ABLIM2: variants seen among roughly 807,000 people sequenced by gnomAD.
The protein encoded by ABLIM2 is actin-binding LIM protein 2.
A neutral mutation model predicts 97.7 loss-of-function variants in ABLIM2; 53 were observed. That is an observed-to-expected ratio of 0.54 (90% CI 0.44 to 0.68). The LOEUF is 0.68. Ranked by LOEUF, ABLIM2 falls within the 30% of genes least tolerant of loss-of-function variation. The pLI, the probability that ABLIM2 is intolerant of heterozygous loss-of-function variation, is 0.00. For synonymous variants in ABLIM2, 361 were observed against 345.8 expected (o/e 1.04, Z -0.49); for missense variants, 835 against 867.2 (o/e 0.96, Z 0.47).
At chr4:8,074,920 G>C (rs1223762817) in intron 6 of ABLIM2, among the ~76,000 whole-genome samples, 1 of 151,916 alleles carries the variant, frequency 6.6e-6, no homozygotes, top group Admixed American at 6.6e-5. Flanking sequence ...TGAGTAGCTG[G>C]GATTACAGGC....
Position 8,061,929 on chromosome 4 carries a change from C to T in ABLIM2, c.676-875G>A, listed in dbSNP as rs1397857282. 2.0e-5 allele frequency among the ~76,000 whole-genome samples: 3 copies of T among 152,204 alleles called. No homozygotes were observed. On this transcript the variant is annotated intron_variant, in intron 6 of 20. Transcript: ENST00000447017. The surrounding 1 kb of genome is among the most constrained non-coding windows in gnomAD (Gnocchi z 4.5). Reference sequence around the variant, plus strand: ...TGCCTTCCCTAGGATGAAAACAGCCCCGAGATGGCCCCTGTGTATTGGGAG... The same window carrying T: ...TGCCTTCCCTAGGATGAAAACAGCCTCGAGATGGCCCCTGTGTATTGGGAG...
At chr4:8,118,820 C>T (rs766965941) in intron 1 of ABLIM2, among the ~76,000 whole-genome samples, 6 of 152,224 alleles carry the variant, frequency 3.9e-5, no homozygotes, top group African/African-American at 9.6e-5. Context: ...CCCTCTGTAC[C>T]GACAGCGTAT....
At chr4:8,014,375 C>T (rs1767258995) in intron 14 of ABLIM2, among the ~76,000 whole-genome samples, 1 of 152,236 alleles carries the variant, frequency 6.6e-6, no homozygotes, top group African/African-American at 2.4e-5. Flanking sequence ...GGAGTTGACC[C>T]ATCAACAGGA....
At chr4:8,099,784 G>A (rs1187657874) in intron 2 of ABLIM2, among the ~76,000 whole-genome samples, 1 of 152,172 alleles carries the variant, frequency 6.6e-6, no homozygotes, top group Non-Finnish European at 1.5e-5. Context: ...GGCGGAGCTT[G>A]CAGTGATCCG....
In ABLIM2 at chr4:8,077,319, G is replaced by A. The variant is rs73796842; in HGVS notation, c.675+309C>T. On this transcript the variant is annotated intron_variant, in intron 6 of 20. Coordinates refer to ENST00000447017, the MANE Select transcript of ABLIM2 (RefSeq NM_001130083.2). ...TGGTGTGGGCTCTCTTCCATCTTCC[G>A]TGCCTCTGAGTCCCAATCTAGACAG... Among the ~76,000 whole-genome samples, 1,157 of 152,204 alleles carry A rather than the reference G, an allele frequency of 7.6e-3. 14 individuals are homozygous for A. Among genetic ancestry groups the A allele is most frequent in the African/African-American group, 0.026 (1,095 of 41,528 alleles).
rs1303472402 is a variant in ABLIM2, at chr4:8,087,351, C to A, written c.454+818G>T. On this transcript the variant is annotated intron_variant, in intron 4 of 20. Transcript: ENST00000447017. The surrounding 1 kb of genome is among the most constrained non-coding windows in gnomAD (Gnocchi z 4.6). ...TCCTTGCTGATACTTGGCCCCACAC[C>A]TGCAAACCCCTGACACTTCGGCTGG... 6.6e-6 allele frequency among the ~76,000 whole-genome samples: 1 copy of A among 152,202 alleles called. No homozygotes were observed. Among genetic ancestry groups the A allele is most frequent in the Non-Finnish European group, 1.5e-5 (1 of 68,046 alleles).
At chr4:8,070,272 G>A (rs1369561713) in intron 6 of ABLIM2, among the ~76,000 whole-genome samples, 1 of 150,938 alleles carries the variant, frequency 6.6e-6, no homozygotes, top group Non-Finnish European at 1.5e-5. Context: ...TCTGTGGGTT[G>A]TGCATGTGTG....
intron 20 of ABLIM2, among the ~76,000 whole-genome samples, chr4:7,978,316 G>A (rs903835529): frequency 6.6e-6 from 1 of 152,130 alleles, no homozygotes; most frequent in African/African-American, 2.4e-5. Flanking sequence ...GGAGGACTAG[G>A]GTCGCACCCT....
intron 8 of ABLIM2, among the ~76,000 whole-genome samples, chr4:8,052,611 G>A (rs1796752974): frequency 6.6e-6 from 1 of 152,244 alleles, no homozygotes; most frequent in East Asian, 1.9e-4. Context: ...AGGGACACAG[G>A]TGGGAAGCCA....
chr4:8,013,219 C>CTTT (rs60424207), intron 14 of ABLIM2, among the ~76,000 whole-genome samples: 162 of 110,598 alleles, frequency 1.5e-3, no homozygotes, highest in Middle Eastern at 6.2e-3. Context: ...AACATTTTTC[C>CTTT]TTTTTTTTTT....
Position 8,069,414 on chromosome 4 carries a change from A to G in ABLIM2, c.675+8214T>C, listed in dbSNP as rs945576771. On this transcript the variant is annotated intron_variant, in intron 6 of 20. Transcript: ENST00000447017. The surrounding 1 kb of genome is among the most constrained non-coding windows in gnomAD (Gnocchi z 4.2). Reference sequence around the variant, plus strand: ...CCAGGCTCGGAGGGTCCCACCACGAAGACAGTGATGAGCACATTGCCCGGG... The same window carrying G: ...CCAGGCTCGGAGGGTCCCACCACGAGGACAGTGATGAGCACATTGCCCGGG... 6.6e-6 allele frequency among the ~76,000 whole-genome samples: 1 copy of G among 152,252 alleles called. No individual in the cohort carries two copies. Among genetic ancestry groups the G allele is most frequent in the African/African-American group, 2.4e-5 (1 of 41,468 alleles).
intron 1 of ABLIM2, among the ~76,000 whole-genome samples, chr4:8,154,192 G>A (rs1561649162): frequency 6.6e-6 from 1 of 151,224 alleles, no homozygotes; most frequent in Non-Finnish European, 1.5e-5. Context: ...TCCATCTCCT[G>A]ACCTTGTGAT....
At chr4:8,094,804 C>G (rs1346331315) in intron 3 of ABLIM2, among the ~76,000 whole-genome samples, 1 of 152,182 alleles carries the variant, frequency 6.6e-6, no homozygotes, top group Non-Finnish European at 1.5e-5. Flanking sequence ...GTCACATTTT[C>G]TAGTTTCCTT....
chr4:8,053,961 T>C (rs949631772), intron 8 of ABLIM2, among the ~76,000 whole-genome samples: 1 of 152,182 alleles, frequency 6.6e-6, no homozygotes, highest in Non-Finnish European at 1.5e-5. Context: ...TTGCCTGTGG[T>C]ATTCTGTGAT....
intron 3 of ABLIM2, among the ~76,000 whole-genome samples, chr4:8,094,445 T>C (rs892096964): frequency 6.6e-6 from 1 of 152,144 alleles, no homozygotes; most frequent in East Asian, 1.9e-4. Flanking sequence ...TTTTAAGGGC[T>C]CACAACTCTA....
In ABLIM2 at chr4:8,122,937, G is replaced by A. The variant is rs1036401380; in HGVS notation, c.11-16300C>T. Among the ~76,000 whole-genome samples, 1 of 152,112 alleles carries A rather than the reference G, an allele frequency of 6.6e-6. No individual in the cohort carries two copies. Among genetic ancestry groups the A allele is most frequent in the Non-Finnish European group, 1.5e-5 (1 of 68,012 alleles). On this transcript the variant is annotated intron_variant, in intron 1 of 20. Transcript: ENST00000447017. The surrounding 1 kb of genome is among the most constrained non-coding windows in gnomAD (Gnocchi z 4.1). The stretch of plus-strand genomic sequence containing the variant: ...GGTGAGGGGCGAACCAGCCCTAGGG[G>A]TGGCAAATCTGTCTGGGACCTGACC...
Position 8,150,316 on chromosome 4 carries a change from C to T in ABLIM2, c.10+8364G>A, listed in dbSNP as rs1272204052. 6.6e-6 allele frequency among the ~76,000 whole-genome samples: 1 copy of T among 152,200 alleles called. No homozygotes were observed. Among genetic ancestry groups the T allele is most frequent in the African/African-American group, 2.4e-5 (1 of 41,456 alleles). On this transcript the variant is annotated intron_variant, in intron 1 of 20. Transcript: ENST00000447017. The surrounding 1 kb of genome is among the most constrained non-coding windows in gnomAD (Gnocchi z 6.3). ...ACGGCAGACAGATGAGGAGGCCATG[C>T]TGAACTGGGGACGGAGTTCCACCCA...
chr4:8,105,475 G>A (rs1836860248), intron 2 of ABLIM2, among the ~76,000 whole-genome samples: 1 of 152,228 alleles, frequency 6.6e-6, no homozygotes, highest in Admixed American at 6.5e-5. Flanking sequence ...AATGCAGCCC[G>A]CAGCCATTGG....
chr4:8,081,916 C>T (rs1820084530), intron 4 of ABLIM2, among the ~76,000 whole-genome samples: 3 of 152,142 alleles, frequency 2.0e-5, no homozygotes. Context: ...CCTGTCATAG[C>T]TGAATGTGCG....
Sources: allele counts gnomAD v4.1 joint callset (sites outside exome capture counted in the v4.1 genomes callset), GRCh38; gene constraint gnomAD v4.1.1; non-coding constraint Gnocchi (gnomAD v3.1); transcripts MANE v1.5; gene names NCBI Gene and HGNC (gene_info 2026-07-23, HGNC 2026-07-21).